The following CDH20 variants were observed in gnomAD, a reference collection of about 807,000 sequenced individuals.
The protein encoded by CDH20 is cadherin 20, also known as cadherin-20.
Under a neutral mutation model 74.2 loss-of-function variants are expected in CDH20, and 29 were observed. The ratio of observed to expected loss-of-function variants is 0.39; its 90% CI spans 0.29 to 0.53. The LOEUF (loss-of-function observed/expected upper bound fraction) is 0.53. Ranked by LOEUF, CDH20 falls within the 20% of genes least tolerant of loss-of-function variation. The probability of loss-of-function intolerance (pLI) is 0.69; values close to 1 mark genes in which losing one functional copy is unlikely to be tolerated. For synonymous variants in CDH20, 469 were observed against 405.4 expected (o/e 1.16, Z -1.88); for missense variants, 988 against 1,048.3 (o/e 0.94, Z 0.79).
chr18:61,538,836 G>A (rs908208279), intron 8 of CDH20, among the ~76,000 whole-genome samples, 188 bp from the exon 9 acceptor site: 4 of 151,702 alleles, frequency 2.6e-5, no homozygotes, highest in Non-Finnish European at 5.9e-5. Flanking sequence ...TATCCAGGAT[G>A]TTATCCAGGA....
intron 1 of CDH20, among the ~76,000 whole-genome samples, chr18:61,434,193 C>T (rs1908752893): frequency 6.6e-6 from 1 of 152,086 alleles, no homozygotes; most frequent in Non-Finnish European, 1.5e-5. Context: ...AAGGAGGCCT[C>T]ATGACATAAA....
At chr18:61,529,700 A>T (rs1186755577) in intron 7 of CDH20, among the ~76,000 whole-genome samples, 1 of 152,222 alleles carries the variant, frequency 6.6e-6, no homozygotes, top group Non-Finnish European at 1.5e-5. Context: ...ATATGTATTA[A>T]TCCACCATAG....
rs548434041 is a variant in CDH20, at chr18:61,408,855, C to G, written c.-153+75028C>G. Among the ~76,000 whole-genome samples the G allele has an allele frequency of 1.4e-4, 21 of 152,244 alleles. No homozygotes were observed. The East Asian group carries it at 4.1e-3, about 29-fold the overall frequency. On this transcript the variant is annotated intron_variant, in intron 1 of 11. Coordinates refer to ENST00000262717, the MANE Select transcript of CDH20 (RefSeq NM_031891.4). ...AGTCAAATTGCACTATGTGGACTTA[C>G]AGATTGTCTAATTTTAACTAAACTA... is the stretch of plus-strand genomic sequence containing the variant.
intron 1 of CDH20, among the ~76,000 whole-genome samples, chr18:61,384,530 G>A (rs1911533352): frequency 6.6e-6 from 1 of 152,112 alleles, no homozygotes; most frequent in Non-Finnish European, 1.5e-5. Context: ...AAGGTTGCTA[G>A]GCCTTTGTAG....
At chr18:61,381,504 CT>C (rs1393101349) in intron 1 of CDH20, among the ~76,000 whole-genome samples, 9 of 152,162 alleles carry the variant, frequency 5.9e-5, no homozygotes, top group African/African-American at 1.9e-4. Context: ...TCCTACCTGC[CT>C]TCTTTGAATA....
At chr18:61,354,086 T>C (rs1361161734) in intron 1 of CDH20, among the ~76,000 whole-genome samples, 1 of 151,568 alleles carries the variant, frequency 6.6e-6, no homozygotes, top group Non-Finnish European at 1.5e-5. Flanking sequence ...AAGAAGGCTT[T>C]CAGTTTCTCC....
chr18:61,395,101 C>T lies in CDH20; in HGVS notation c.-153+61274C>T, dbSNP rs115624680. Among the ~76,000 whole-genome samples the T allele has an allele frequency of 2.1e-3, 324 of 152,054 alleles. 2 individuals are homozygous for T. Among genetic ancestry groups the T allele is most frequent in the African/African-American group, 7.4e-3 (309 of 41,494 alleles). ...TTCCTCTTCCCCTTGCAAAACCTCCCACTTCTTTAAGTTTCACACTGTACC... is the reference window on the plus strand; with the variant it reads ...TTCCTCTTCCCCTTGCAAAACCTCCTACTTCTTTAAGTTTCACACTGTACC... On this transcript the variant is annotated intron_variant, in intron 1 of 11. Transcript: ENST00000262717.
chr18:61,449,674 G>A (rs1909316648), intron 1 of CDH20, among the ~76,000 whole-genome samples: 1 of 151,832 alleles, frequency 6.6e-6, no homozygotes, highest in Admixed American at 6.6e-5. Context: ...TAAAGAATTA[G>A]GATGATCCAA....
At chr18:61,525,660 T>A (rs1568176927) in intron 6 of CDH20, among the ~76,000 whole-genome samples, 3 of 152,100 alleles carry the variant, frequency 2.0e-5, no homozygotes, top group Admixed American at 2.0e-4. Context: ...AAGCACTATG[T>A]CTGCTACTAA....
intron 1 of CDH20, among the ~76,000 whole-genome samples, chr18:61,432,112 G>C (rs1419523370): frequency 6.6e-6 from 1 of 151,890 alleles, no homozygotes; most frequent in Non-Finnish European, 1.5e-5. Context: ...GCTGGGCATG[G>C]TGGCGGGCGC....
chr18:61,537,026 A>C (rs1452188611), intron 8 of CDH20, among the ~76,000 whole-genome samples: 1 of 152,202 alleles, frequency 6.6e-6, no homozygotes, highest in Non-Finnish European at 1.5e-5. Flanking sequence ...AAACATATAC[A>C]TATCCATGCC....
At chr18:61,395,289 C>T (rs1423391208) in intron 1 of CDH20, among the ~76,000 whole-genome samples, 1 of 152,170 alleles carries the variant, frequency 6.6e-6, no homozygotes, top group African/African-American at 2.4e-5. Flanking sequence ...CTTTGTAACC[C>T]TCACTGTTCT....
intron 1 of CDH20, among the ~76,000 whole-genome samples, chr18:61,468,811 C>T (rs1017970127): frequency 1.5e-4 from 23 of 152,218 alleles, no homozygotes; most frequent in African/African-American, 5.1e-4. Context: ...CAAAAAGCCA[C>T]ATTTGTATGA....
At chr18:61,477,856 G>A (rs1467504290) in intron 1 of CDH20, among the ~76,000 whole-genome samples, 2 of 152,040 alleles carry the variant, frequency 1.3e-5, no homozygotes, top group African/African-American at 4.8e-5. Flanking sequence ...TAATTTAATA[G>A]GTTGAAATGA....
chr18:61,365,086 T>C (rs1910815446), intron 1 of CDH20, among the ~76,000 whole-genome samples: 1 of 152,248 alleles, frequency 6.6e-6, no homozygotes, highest in Non-Finnish European at 1.5e-5. Context: ...TTTTCACATC[T>C]GTCTGCCACC....
intron 6 of CDH20, among the ~76,000 whole-genome samples, chr18:61,527,720 G>T (rs1440404029): frequency 6.6e-6 from 1 of 152,090 alleles, no homozygotes; most frequent in African/African-American, 2.4e-5. Context: ...TATCAAACTG[G>T]CTTCCTTAAC....
intron 6 of CDH20, among the ~76,000 whole-genome samples, chr18:61,525,655 C>G (rs1292063956): frequency 2.6e-5 from 4 of 151,966 alleles, no homozygotes; most frequent in Non-Finnish European, 5.9e-5. Flanking sequence ...ACGGGAAGCA[C>G]TATGTCTGCT....
chr18:61,377,316 A>C (rs936824953), intron 1 of CDH20, among the ~76,000 whole-genome samples: 1 of 152,036 alleles, frequency 6.6e-6, no homozygotes, highest in Non-Finnish European at 1.5e-5. Context: ...GGGCAGTCAA[A>C]CCCCCAGATA....
rs77122252 is a variant in CDH20 at position 61,525,362 on chromosome 18, A to G, written c.1018-2605A>G. Among the ~76,000 whole-genome samples the G allele has an allele frequency of 9.3e-4, 141 of 152,304 alleles. No individual in the cohort carries two copies. The East Asian group carries it at 0.018, about 20-fold the overall frequency. ...TTTTGCCTAGCTCAAACCTAACACAAACAACGGTGTCCACAACTGTGTTAC... is the reference window on the plus strand; with the variant it reads ...TTTTGCCTAGCTCAAACCTAACACAGACAACGGTGTCCACAACTGTGTTAC... On this transcript the variant is annotated intron_variant, in intron 6 of 11. Transcript: ENST00000262717.
Sources: gnomAD v4.1 joint callset for allele counts (sites outside exome capture counted in the v4.1 genomes callset) on GRCh38, gnomAD v4.1.1 for gene constraint, MANE v1.5 for transcripts, NCBI Gene and HGNC (gene_info 2026-07-23, HGNC 2026-07-21) for gene names.